The following DCP1A variants were observed in gnomAD, a reference collection of about 807,000 sequenced individuals.
DCP1A encodes mRNA-decapping enzyme 1A.
DCP1A carries 20 observed loss-of-function variants against 58.0 expected under a neutral mutation model. That is an observed-to-expected ratio of 0.34 (90% CI 0.24 to 0.50). DCP1A has a LOEUF of 0.50. Ranked by LOEUF, DCP1A falls within the 20% of genes least tolerant of loss-of-function variation. The pLI, the probability that DCP1A is intolerant of heterozygous loss-of-function variation, is 0.98. For missense variants in DCP1A, 613 were observed against 712.2 expected, an observed-to-expected ratio of 0.86 and a Z score of 1.59; for synonymous variants, 285 against 275.1, an observed-to-expected ratio of 1.04 and a Z score of -0.36.
intron 3 of DCP1A, among the ~76,000 whole-genome samples, chr3:53,331,633 C>A (rs1223840329): frequency 1.3e-5 from 2 of 151,990 alleles, no homozygotes; most frequent in Admixed American, 6.6e-5. Context: ...TAGGACATAT[C>A]CCTGTTGTTA....
rs1433368824 is a variant in DCP1A, at chr3:53,284,428, T to C, written c.*3152A>G. 4 of 150,282 alleles carry C rather than the reference T, an allele frequency of 2.7e-5. No individual in the cohort carries two copies. The highest frequency in any genetic ancestry group is 9.8e-5 in the African/African-American group (4 of 40,820). The allele number at this position is 150,282 out of a possible 1,614,324, so 9.3% of individuals were successfully genotyped here. A position where few individuals can be genotyped will look rare whatever the true frequency, so the allele number is the denominator to read the frequency against. The stretch of plus-strand genomic sequence containing the variant: ...TTTATATAATTTCTACAAGAAAACA[T>C]AAGCCAGGAAAAGGACAAATGCTTG... On this transcript the variant is annotated 3_prime_UTR_variant, in exon 10 of 10. Coordinates refer to ENST00000610213, the MANE Select transcript of DCP1A (RefSeq NM_018403.7).
At chr3:53,288,695 G>C (rs543575721) in intron 8 of DCP1A, among the ~76,000 whole-genome samples, 11 of 152,254 alleles carry the variant, frequency 7.2e-5, no homozygotes, top group African/African-American at 2.2e-4. Context: ...ATATTGATTG[G>C]GTTGCCCAAG....
chr3:53,307,321 G>A (rs141391796), intron 5 of DCP1A, among the ~76,000 whole-genome samples: 4 of 152,244 alleles, frequency 2.6e-5, no homozygotes, highest in East Asian at 3.9e-4. Flanking sequence ...GAAGCCATAT[G>A]CCACTGCCCC....
intron 8 of DCP1A, 100 bp downstream of exon 8, chr3:53,290,691 C>T: frequency 1.0e-6 from 1 of 970,288 alleles, no homozygotes; most frequent in Non-Finnish European, 1.6e-6. Context: ...CAGCCAGTTA[C>T]AGACCAAATT....
At chr3:53,326,145 T>G (rs1391827174) in intron 3 of DCP1A, among the ~76,000 whole-genome samples, 1 of 152,208 alleles carries the variant, frequency 6.6e-6, no homozygotes, top group Non-Finnish European at 1.5e-5. Context: ...CTGTCTAAAT[T>G]AAATCAAATC....
At chr3:53,333,797 TTCA>T (rs572264016) in intron 3 of DCP1A, among the ~76,000 whole-genome samples, 19 of 152,330 alleles carry the variant, frequency 1.2e-4, no homozygotes, top group African/African-American at 4.3e-4. Context: ...ACTTATTCCT[TTCA>T]TCATTATGTG....
rs1246352363 is a variant in DCP1A, at chr3:53,286,671, A to G, written c.*909T>C. 6.6e-6 allele frequency: 1 copy of G among 152,236 alleles called. No individual in the cohort carries two copies. The highest frequency in any genetic ancestry group is 2.4e-5 in the African/African-American group (1 of 41,462). The allele number at this position is 152,236 out of a possible 1,614,324, so 9.4% of individuals were successfully genotyped here. The stretch of plus-strand genomic sequence containing the variant: ...AAAACTATTCTCAGTACACTCAAGG[A>G]AAGGAACCAGAATGGCTTTGTCAGA... On this transcript the variant is annotated 3_prime_UTR_variant, in exon 10 of 10. Coordinates refer to ENST00000610213, the MANE Select transcript of DCP1A (RefSeq NM_018403.7).
chr3:53,341,767 C>T (rs1304492248), intron 3 of DCP1A, among the ~76,000 whole-genome samples: 2 of 152,028 alleles, frequency 1.3e-5, no homozygotes, highest in South Asian at 2.1e-4. Context: ...TACAGTGGCG[C>T]GATCTCAGCT....
intron 3 of DCP1A, among the ~76,000 whole-genome samples, chr3:53,328,056 G>A (rs1389186597): frequency 6.6e-6 from 1 of 152,066 alleles, no homozygotes; most frequent in East Asian, 1.9e-4. Context: ...GGTGGTGGAG[G>A]TTGCAGTGAG....
intron 7 of DCP1A, among the ~76,000 whole-genome samples, chr3:53,291,458 T>C (rs529645980): frequency 6.6e-6 from 1 of 151,346 alleles, no homozygotes; most frequent in East Asian, 1.9e-4. Context: ...GCATTCACCA[T>C]CCCCACCTCC....
At chr3:53,333,312 TTTTTTGTA>T (rs2089050073) in intron 3 of DCP1A, among the ~76,000 whole-genome samples, 1 of 151,904 alleles carries the variant, frequency 6.6e-6, no homozygotes, top group Non-Finnish European at 1.5e-5. Context: ...GGCTAATTTT[TTTTTTGTA>T]TTTTTAGTAG....
intron 3 of DCP1A, among the ~76,000 whole-genome samples, chr3:53,341,449 G>A (rs1440313466): frequency 2.0e-5 from 3 of 151,820 alleles, no homozygotes; most frequent in Non-Finnish European, 2.9e-5. Context: ...GCAAGACTCC[G>A]TCTCAAAAAA....
chr3:53,310,474 C>G (rs1416653360), intron 5 of DCP1A, among the ~76,000 whole-genome samples: 4 of 152,140 alleles, frequency 2.6e-5, no homozygotes, highest in Non-Finnish European at 5.9e-5. Context: ...CCGTGTGGTA[C>G]CTTGATACAG....
intron 3 of DCP1A, among the ~76,000 whole-genome samples, chr3:53,332,077 G>T (rs1284087010): frequency 6.6e-6 from 1 of 152,212 alleles, no homozygotes; most frequent in Non-Finnish European, 1.5e-5. Flanking sequence ...AGGGAATAGT[G>T]AATCACAGAA....
At chr3:53,346,385 G>A (rs528215030) in intron 1 of DCP1A, among the ~76,000 whole-genome samples, 1 of 152,156 alleles carries the variant, frequency 6.6e-6, no homozygotes, top group South Asian at 2.1e-4. Context: ...CTGTATTATA[G>A]GGTAAACGAC....
chr3:53,296,444 T>C (rs1191169763), intron 6 of DCP1A, among the ~76,000 whole-genome samples: 2 of 152,220 alleles, frequency 1.3e-5, no homozygotes, highest in African/African-American at 4.8e-5. Flanking sequence ...CAGACTTCTC[T>C]GTCCAGGCCA....
At chr3:53,295,530 G>A (rs1487881014) in intron 6 of DCP1A, among the ~76,000 whole-genome samples, 2 of 152,114 alleles carry the variant, frequency 1.3e-5, no homozygotes, top group Admixed American at 6.6e-5. Flanking sequence ...TGTTAACTGG[G>A]AAAATTACAT....
At chr3:53,322,901 TC>T (rs1708010105) in intron 3 of DCP1A, among the ~76,000 whole-genome samples, 2 of 151,686 alleles carry the variant, frequency 1.3e-5, no homozygotes, top group South Asian at 4.2e-4. Context: ...AAGCTCTGCC[TC>T]CCGTGTTCAC....
intron 3 of DCP1A, among the ~76,000 whole-genome samples, chr3:53,331,545 G>A (rs1490568909): frequency 6.6e-6 from 1 of 152,194 alleles, no homozygotes. Flanking sequence ...TATATTCTAG[G>A]TGTGTAGGCT....
Sources: allele counts gnomAD v4.1 joint callset (sites outside exome capture counted in the v4.1 genomes callset), GRCh38; gene constraint gnomAD v4.1.1; transcripts MANE v1.5; gene names NCBI Gene and HGNC (gene_info 2026-07-23, HGNC 2026-07-21).